The following ZMIZ1 variants were observed in gnomAD, a reference collection of about 807,000 sequenced individuals.
ZMIZ1 encodes the protein zinc finger MIZ domain-containing protein 1.
In ZMIZ1, 17 loss-of-function variants were observed where a neutral mutation model predicts 113.9. That is an observed-to-expected ratio of 0.15 (90% CI 0.10 to 0.22). ZMIZ1 has a LOEUF of 0.22. Among genes scored for constraint, ZMIZ1 ranks in the 10% least tolerant of loss-of-function variants. The pLI is 1.00. For synonymous variants in ZMIZ1, 607 were observed against 603.1 expected (o/e 1.01, Z -0.09); for missense variants, 1,059 against 1,477.8 (o/e 0.72, Z 4.65).
intron 4 of ZMIZ1, among the ~76,000 whole-genome samples, chr10:79,197,488 A>G (rs999485765): frequency 6.6e-6 from 1 of 152,102 alleles, no homozygotes; most frequent in Non-Finnish European, 1.5e-5. Context: ...ATGCTGGCTG[A>G]GGGTCTGTGT....
chr10:79,226,645 AG>A (rs1849210624), intron 7 of ZMIZ1, among the ~76,000 whole-genome samples: 1 of 152,140 alleles, frequency 6.6e-6, no homozygotes, highest in Admixed American at 6.5e-5. Context: ...AGGGGATTCG[AG>A]GGTGTGAGAG....
intron 4 of ZMIZ1, among the ~76,000 whole-genome samples, chr10:79,201,113 G>A (rs1025190901): frequency 6.6e-6 from 1 of 152,156 alleles, no homozygotes; most frequent in African/African-American, 2.4e-5. Context: ...TTCGAGACCA[G>A]CCTGGCCAAC....
At chr10:79,307,332 ACT>A (rs1419508836) in intron 22 of ZMIZ1, 71 bp from the exon 23 acceptor site, 14 of 1,457,124 alleles carry the variant, frequency 9.6e-6, no homozygotes, top group African/African-American at 1.4e-5. Flanking sequence ...ATTTTTACAC[ACT>A]CTCTGTTCCC....
chr10:79,070,040 A>G (rs1169594009), intron 1 of ZMIZ1, among the ~76,000 whole-genome samples: 2 of 150,814 alleles, frequency 1.3e-5, no homozygotes, highest in Non-Finnish European at 2.9e-5. Flanking sequence ...ATACGAAAGT[A>G]ATTTCCCCGT....
chr10:79,273,857 G>C (rs957574631), intron 7 of ZMIZ1, among the ~76,000 whole-genome samples: 5 of 152,270 alleles, frequency 3.3e-5, no homozygotes, highest in African/African-American at 1.2e-4. Context: ...CTGTGCAAGT[G>C]ATGTGTACGT....
At chr10:79,123,709 G>GCCAGCCCCT (rs1844395518) in intron 2 of ZMIZ1, among the ~76,000 whole-genome samples, 1 of 152,204 alleles carries the variant, frequency 6.6e-6, no homozygotes, top group African/African-American at 2.4e-5. Context: ...CACTCTCCTC[G>GCCAGCCCCT]CCAGCCCCTC....
intron 3 of ZMIZ1, 24 bp from the exon 4 acceptor site, chr10:79,162,029 G>A (rs1290619174): frequency 7.5e-6 from 3 of 399,012 alleles, no homozygotes; most frequent in African/African-American, 4.1e-5. Flanking sequence ...GGGTAGACCC[G>A]CTGACCTCCC....
intron 7 of ZMIZ1, among the ~76,000 whole-genome samples, chr10:79,231,290 C>A (rs1849383945): frequency 6.6e-6 from 1 of 152,222 alleles, no homozygotes; most frequent in African/African-American, 2.4e-5. Context: ...TCTTGTCATC[C>A]AGGCTGGAGT....
intron 2 of ZMIZ1, 108 bp from the exon 3 acceptor site, chr10:79,139,574 C>T (rs1461776433): frequency 5.0e-6 from 2 of 397,192 alleles, no homozygotes; most frequent in Admixed American, 4.4e-5. Context: ...CTTAAGTGAC[C>T]CAAGAGGCCG....
rs190793388 is a variant in ZMIZ1 at position 79,151,199 on chromosome 10, C to G, written c.-130-10854C>G. ...AGCCCCTGCCATGGGGTGGCCACAG[C>G]TCAGACTCTGGTGGCCTTGGACACA... On this transcript the variant is annotated intron_variant, in intron 3 of 24. Transcript: ENST00000334512. Among the ~76,000 whole-genome samples the G allele has an allele frequency of 2.5e-4, 38 of 152,306 alleles. No individual in the cohort carries two copies. The East Asian group carries it at 3.9e-3, about 16-fold the overall frequency.
At chr10:79,098,195 T>C (rs566638239) in intron 1 of ZMIZ1, among the ~76,000 whole-genome samples, 1 of 152,310 alleles carries the variant, frequency 6.6e-6, no homozygotes, top group African/African-American at 2.4e-5. Context: ...GAAGAGACTA[T>C]TAGACTGGGG....
At chr10:79,177,723 C>T (rs948090570) in intron 4 of ZMIZ1, among the ~76,000 whole-genome samples, 8 of 152,250 alleles carry the variant, frequency 5.3e-5, no homozygotes, top group African/African-American at 1.9e-4. Context: ...GAATCTCACA[C>T]ATTTAGTGGA....
intron 1 of ZMIZ1, among the ~76,000 whole-genome samples, chr10:79,085,509 A>G (rs1176018489): frequency 6.6e-6 from 1 of 152,210 alleles, no homozygotes; most frequent in Non-Finnish European, 1.5e-5. Context: ...AGACCCAGAA[A>G]GAGTGACCTG....
In ZMIZ1 at chr10:79,149,469, C is replaced by T. The variant is rs1174439155; in HGVS notation, c.-131+9692C>T. ...ACCCCCAACCTGTGGACAGGTGAGC[C>T]TCCAGTTCCTGAGGCCACAGGGAAT... On this transcript the variant is annotated intron_variant, in intron 3 of 24. Transcript: ENST00000334512. Among the ~76,000 whole-genome samples the T allele has an allele frequency of 3.9e-5, 6 of 152,218 alleles. No homozygotes were observed. The East Asian group carries it at 1.2e-3, about 29-fold the overall frequency.
At chr10:79,138,431 C>G (rs1845114327) in intron 2 of ZMIZ1, among the ~76,000 whole-genome samples, 1 of 152,230 alleles carries the variant, frequency 6.6e-6, no homozygotes, top group South Asian at 2.1e-4. Context: ...CCATTTTGGG[C>G]CCTGGGCCTT....
chr10:79,097,434 A>G (rs773854612), intron 1 of ZMIZ1, among the ~76,000 whole-genome samples: 1 of 152,226 alleles, frequency 6.6e-6, no homozygotes, highest in Admixed American at 6.5e-5. Flanking sequence ...GGACAAGCCC[A>G]GGTTCTTCCG....
chr10:79,165,984 G>GTGTGTGTGTA (rs1846323066), intron 4 of ZMIZ1, among the ~76,000 whole-genome samples: 1 of 147,520 alleles, frequency 6.8e-6, no homozygotes, highest in African/African-American at 2.7e-5. Context: ...GTGTGTGTGT[G>GTGTGTGTGTA]TGTGTGTGTG....
At chr10:79,091,281 G>A (rs549110850) in intron 1 of ZMIZ1, among the ~76,000 whole-genome samples, 19 of 152,132 alleles carry the variant, frequency 1.2e-4, no homozygotes, top group African/African-American at 4.1e-4. Context: ...GTATTTATGT[G>A]GGCAACTGCC....
chr10:79,244,578 G>T (rs1029624202), intron 7 of ZMIZ1, among the ~76,000 whole-genome samples: 1 of 152,208 alleles, frequency 6.6e-6, no homozygotes, highest in South Asian at 2.1e-4. Flanking sequence ...CTGCAGTGGG[G>T]ACCCAGTCCC....
Sources: allele counts gnomAD v4.1 joint callset (sites outside exome capture counted in the v4.1 genomes callset), GRCh38; gene constraint gnomAD v4.1.1; transcripts MANE v1.5; gene names NCBI Gene and HGNC (gene_info 2026-07-23, HGNC 2026-07-21).